Variants in IDUA observed in about 807,000 individuals in gnomAD.
The protein encoded by IDUA is iduronidase alpha-L-.
Under a neutral mutation model 68.9 loss-of-function variants are expected in IDUA, and 65 were observed. The observed-to-expected ratio is 0.94, with a 90% CI of 0.77 to 1.16. IDUA has a LOEUF of 1.16. IDUA is among the 50% of genes most tolerant of loss of function. The pLI, the probability that IDUA is intolerant of heterozygous loss-of-function variation, is 0.00. For synonymous variants in IDUA, 529 were observed against 433.6 expected (o/e 1.22, Z -2.73); for missense variants, 1,046 against 938.0 (o/e 1.12, Z -1.50).
At position 987,872 on chromosome 4, in the gene IDUA, C is replaced by T. The variant is rs750898638; in HGVS notation, c.222C>T (p.Leu74=). 6.0e-5 allele frequency: 97 copies of T among 1,612,188 alleles called. 1 individual carries two copies. The highest frequency in any genetic ancestry group is 3.1e-4 in the South Asian group (28 of 91,020). The change falls in exon 2 of 14, where the codon CTC becomes CTT. Residue 74 remains leucine, a synonymous_variant. Transcript: ENST00000514224. ...TCAGCTGGGACCAGCAGCTCAACCTCGCCTATGTGGGCGCCGTCCCTCACC... is the reference window on the plus strand; with the variant it reads ...TCAGCTGGGACCAGCAGCTCAACCTTGCCTATGTGGGCGCCGTCCCTCACC... The part of the protein sequence containing the change: ...YVLSWDQQLN[L]AYVGAVPHRG...
In IDUA at chr4:1,001,845, G is replaced by A. The variant is rs776670337; in HGVS notation, c.756G>A (p.Ala252=). Residue 252 remains alanine, a synonymous_variant, in exon 6 of 14, where the codon GCG becomes GCA. Transcript: ENST00000514224. The part of the protein sequence containing the change: ...HDGTNFFTGE[A]GVRLDYISLH... ...GTACCAACTTCTTCACTGGGGAGGC[G>A]GGCGTGCGGCTGGACTACATCTCCC... is the stretch of plus-strand genomic sequence containing the variant. The A allele has an allele frequency of 1.3e-5, 20 of 1,599,262 alleles. No homozygotes were observed. Among genetic ancestry groups the A allele is most frequent in the Middle Eastern group, 3.3e-4 (2 of 6,066 alleles).
chr4:1,002,716 C>A lies in IDUA; in HGVS notation c.1190-16C>A. 12 of 1,409,396 alleles carry A rather than the reference C, an allele frequency of 8.5e-6. No homozygotes were observed. The highest frequency in any genetic ancestry group is 1.1e-5 in the Non-Finnish European group (12 of 1,057,886). 87.3% of individuals were successfully genotyped at this position (1,409,396 alleles called of 1,614,324 possible). A position where few individuals can be genotyped will look rare whatever the true frequency, so the allele number is the denominator to read the frequency against. ...GCAACGACCCCACGCGGCGACGGCC[C>A]CCCCCCGCCCCGCAGATGAGGAGCA... On this transcript the variant is annotated splice_polypyrimidine_tract_variant and intron_variant, in intron 8 of 13. Transcript: ENST00000514224.
chr4:1,001,573 G>A lies in IDUA; in HGVS notation c.589+10G>A, dbSNP rs772970567. 6.2e-6 allele frequency: 10 copies of A among 1,612,564 alleles called. No homozygotes were observed. The Admixed American group carries it at 1.5e-4, about 24-fold the overall frequency. Reference sequence around the variant, plus strand: ...TCCATGACCATGCAAGGTGTGCACCGCTTCCTGGGGTCCTGCCCGGCTGAA... The same window carrying A: ...TCCATGACCATGCAAGGTGTGCACCACTTCCTGGGGTCCTGCCCGGCTGAA... On this transcript the variant is annotated intron_variant, in intron 5 of 13. Transcript: ENST00000514224.
chr4:997,590 G>A (rs975008044), intron 2 of IDUA, among the ~76,000 whole-genome samples: 2 of 151,954 alleles, frequency 1.3e-5, no homozygotes, highest in African/African-American at 4.8e-5. Context: ...ACCCCGCGCG[G>A]GGTCTACAAG....
intron 2 of IDUA, chr4:989,586 C>G (rs776879362): frequency 1.3e-6 from 2 of 1,599,072 alleles, no homozygotes; most frequent in East Asian, 2.3e-5. Context: ...GCAGGGCCCC[C>G]CGCAGGCTGA....
chr4:989,051 G>A (rs766142253), intron 2 of IDUA: 1 of 1,584,708 alleles, frequency 6.3e-7, no homozygotes, highest in Admixed American at 1.8e-5. Flanking sequence ...AGGTCCTGCA[G>A]CGTGCTCACA....
chr4:987,855 G>A lies in IDUA; in HGVS notation c.205G>A (p.Asp69Asn). 1 of 1,612,470 alleles carries A rather than the reference G, an allele frequency of 6.2e-7. No individual in the cohort carries two copies. The highest frequency in any genetic ancestry group is 8.5e-7 in the Non-Finnish European group (1 of 1,179,862). ...SQADQYVLSW[D>N]QQLNLAYVGA... ...GGCTGACCAGTACGTCCTCAGCTGG[G>A]ACCAGCAGCTCAACCTCGCCTATGT... The change falls in exon 2 of 14, where the codon GAC becomes AAC. Residue 69 changes from aspartate (D) to asparagine (N), a missense_variant. Coordinates refer to ENST00000514224, the MANE Select transcript of IDUA (RefSeq NM_000203.5).
At chr4:997,915 C>G (rs938813746) in intron 2 of IDUA, among the ~76,000 whole-genome samples, 6 of 152,232 alleles carry the variant, frequency 3.9e-5, no homozygotes, top group South Asian at 2.1e-4. Context: ...GGGCTCCCCC[C>G]GCTAGGGTCA....
intron 2 of IDUA, chr4:989,379 G>T: frequency 1.3e-6 from 2 of 1,579,414 alleles, no homozygotes; most frequent in Non-Finnish European, 1.7e-6. Context: ...CCTCGTAGAA[G>T]GCCGTGTCCC....
At chr4:998,743 G>A (rs187482311) in intron 2 of IDUA, among the ~76,000 whole-genome samples, 1 of 151,806 alleles carries the variant, frequency 6.6e-6, no homozygotes, top group East Asian at 1.9e-4. Flanking sequence ...CCGCCTAGCT[G>A]CCCAAGCTGA....
rs981593114 is a variant in IDUA at position 1,003,652 on chromosome 4, C to T, written c.1727+27C>T. 6.2e-6 allele frequency: 10 copies of T among 1,610,914 alleles called. No homozygotes were observed. In the African/African-American group the frequency reaches 1.1e-4, roughly 17 times the overall value. ...TGCGTGAGTGGGGCCGCCCCTCCCT[C>T]TGCCTGGTCCTAGGCAGGTCCCTGG... On this transcript the variant is annotated intron_variant, in intron 12 of 13. Coordinates refer to ENST00000514224, the MANE Select transcript of IDUA (RefSeq NM_000203.5).
chr4:993,046 C>CG (rs33993439), intron 2 of IDUA: 8,978 of 152,220 alleles, frequency 0.059, 414 homozygotes, highest in Middle Eastern at 0.13. Context: ...GGGCACAGAG[C>CG]GGGGGTCCTG....
intron 2 of IDUA, among the ~76,000 whole-genome samples, chr4:996,763 T>A (rs1714763661): frequency 1.3e-5 from 2 of 152,152 alleles, no homozygotes; most frequent in African/African-American, 4.8e-5. Context: ...AGGCAGTGGC[T>A]GGTGCTGTCC....
chr4:992,042 C>G (rs1473032745), intron 2 of IDUA: 7 of 585,022 alleles, frequency 1.2e-5, no homozygotes, highest in Admixed American at 2.2e-5. Context: ...CAGCTCCGGC[C>G]TATTGGCTCT....
intron 2 of IDUA, chr4:989,740 G>T (rs1328872435): frequency 6.4e-7 from 1 of 1,557,014 alleles, no homozygotes; most frequent in Non-Finnish European, 8.7e-7. Context: ...CAGGCTCTTG[G>T]CCAGGGCGGC....
At position 1,003,086 on chromosome 4, in the gene IDUA, G is replaced by A. The variant is rs1428027230; in HGVS notation, c.1453G>A (p.Gly485Ser). ...GGACAACGGGCTCTGCAGCCCCGAC[G>A]GCGAGTGGCGGCGCCTGGGCCGGCC... ...YLDNGLCSPD[G>S]EWRRLGRPVF... Residue 485 changes from glycine (G) to serine (S), a missense_variant, in exon 10 of 14, where the codon GGC becomes AGC. Physicochemically the swap from Gly to Ser is moderately conservative, Grantham distance 56 (BLOSUM62 0). Coordinates refer to ENST00000514224, the MANE Select transcript of IDUA (RefSeq NM_000203.5). 3.3e-6 allele frequency: 5 copies of A among 1,520,712 alleles called. No homozygotes were observed. The South Asian group carries it at 3.7e-5, about 11-fold the overall frequency. 94.2% of individuals were successfully genotyped at this position (1,520,712 alleles called of 1,614,324 possible).
At chr4:992,080 A>G in intron 2 of IDUA, 3 of 521,342 alleles carry the variant, frequency 5.8e-6, no homozygotes, top group Middle Eastern at 2.9e-4. Flanking sequence ...ACCACCCTGT[A>G]GCCTCCTGAA....
rs1424994105 is a variant in IDUA at position 1,001,251 on chromosome 4, C to A, written c.494-217C>A. On this transcript the variant is annotated intron_variant, in intron 4 of 13. Transcript: ENST00000514224. Reference sequence around the variant, plus strand: ...GGGGGGTACTCCTGGGCAGGCTGCACCCCTATCACCCAGGCCGCACCCCTA... The same window carrying A: ...GGGGGGTACTCCTGGGCAGGCTGCAACCCTATCACCCAGGCCGCACCCCTA... 1.2e-5 allele frequency: 5 copies of A among 426,918 alleles called. No individual in the cohort carries two copies. In the East Asian group the frequency reaches 1.6e-4, roughly 13 times the overall value. 26.4% of individuals were successfully genotyped at this position (426,918 alleles called of 1,614,324 possible). A position where few individuals can be genotyped will look rare whatever the true frequency, so the allele number is the denominator to read the frequency against.
chr4:1,003,001 C>T, intron 9 of IDUA, 35 bp from the exon 10 acceptor site: 1 of 1,433,496 alleles, frequency 7.0e-7, no homozygotes, highest in Non-Finnish European at 9.1e-7. Flanking sequence ...AGGGGGCGGC[C>T]CGGGGAGCCG....
Sources: gnomAD v4.1 joint callset for allele counts (sites outside exome capture counted in the v4.1 genomes callset) on GRCh38, gnomAD v4.1.1 for gene constraint, MANE v1.5 for transcripts, NCBI Gene and HGNC (gene_info 2026-07-23, HGNC 2026-07-21) for gene names.